The following PARD3 variants were observed in gnomAD, a reference collection of about 807,000 sequenced individuals.
PARD3 encodes the protein partitioning defective 3 homolog.
A neutral mutation model predicts 155.4 loss-of-function variants in PARD3; 75 were observed. The ratio of observed to expected loss-of-function variants is 0.48; its 90% CI spans 0.40 to 0.58. The LOEUF (loss-of-function observed/expected upper bound fraction) is 0.58. PARD3 is among the 20% of genes least tolerant of loss of function. The probability of loss-of-function intolerance (pLI) is 0.00; values close to 1 mark genes in which losing one functional copy is unlikely to be tolerated. For synonymous variants in PARD3, 576 were observed against 610.5 expected, an observed-to-expected ratio of 0.94 and a Z score of 0.83; for missense variants, 1,642 against 1,721.7, an observed-to-expected ratio of 0.95 and a Z score of 0.82.
intron 2 of PARD3, among the ~76,000 whole-genome samples, chr10:34,593,069 G>A (rs2088872579): frequency 6.6e-6 from 1 of 152,204 alleles, no homozygotes; most frequent in African/African-American, 2.4e-5. Flanking sequence ...GAAGAGGGTA[G>A]TGAGAAAGAC....
intron 6 of PARD3, among the ~76,000 whole-genome samples, chr10:34,399,953 A>C (rs1255430824): frequency 6.6e-6 from 1 of 152,186 alleles, no homozygotes; most frequent in Non-Finnish European, 1.5e-5. Flanking sequence ...AATGAGACCA[A>C]AGTTTTCACT....
chr10:34,385,513 T>G (rs1842266240), intron 7 of PARD3, among the ~76,000 whole-genome samples: 1 of 152,202 alleles, frequency 6.6e-6, no homozygotes, highest in South Asian at 2.1e-4. Context: ...AAAATTTGTA[T>G]TTTCTTTCAT....
intron 2 of PARD3, among the ~76,000 whole-genome samples, chr10:34,621,488 G>A (rs938991236): frequency 9.9e-5 from 15 of 152,046 alleles, no homozygotes; most frequent in South Asian, 2.1e-4. Flanking sequence ...AAGCCACCGC[G>A]CCCGGCCTAG....
intron 3 of PARD3, among the ~76,000 whole-genome samples, chr10:34,479,353 G>T (rs2078921163): frequency 6.6e-6 from 1 of 151,848 alleles, no homozygotes; most frequent in Non-Finnish European, 1.5e-5. Flanking sequence ...AGTAGAGACA[G>T]GGTTTCACTG....
intron 2 of PARD3, among the ~76,000 whole-genome samples, chr10:34,679,417 G>A (rs144768752): frequency 4.8e-4 from 73 of 152,216 alleles, no homozygotes; most frequent in African/African-American, 1.6e-3. Context: ...GTCTCTCAAC[G>A]CATTCCTTGC....
chr10:34,191,995 A>G (rs2246184), intron 22 of PARD3, among the ~76,000 whole-genome samples: 33,446 of 152,108 alleles, frequency 0.22, 3,834 homozygotes, highest in Middle Eastern at 0.32. Flanking sequence ...AGAAAGCAAG[A>G]ACTCTCACTA....
At chr10:34,700,241 T>C (rs1590715381) in intron 1 of PARD3, among the ~76,000 whole-genome samples, 1 of 151,956 alleles carries the variant, frequency 6.6e-6, no homozygotes, top group Non-Finnish European at 1.5e-5. Context: ...ACTGCTCTTA[T>C]TCAGATAAAG....
At chr10:34,199,933 G>C (rs1209835927) in intron 22 of PARD3, among the ~76,000 whole-genome samples, 1 of 152,144 alleles carries the variant, frequency 6.6e-6, no homozygotes, top group Admixed American at 6.5e-5. Context: ...AAACGGTTTA[G>C]TGATTCCAGG....
chr10:34,120,122 TC>T (rs898068955), intron 23 of PARD3, among the ~76,000 whole-genome samples: 57 of 145,740 alleles, frequency 3.9e-4, no homozygotes, highest in African/African-American at 1.2e-3. Flanking sequence ...GTTCAAGTGA[TC>T]CTCCCACCTC....
intron 22 of PARD3, among the ~76,000 whole-genome samples, chr10:34,260,331 A>G (rs1319637340): frequency 6.6e-6 from 1 of 152,176 alleles, no homozygotes; most frequent in African/African-American, 2.4e-5. Flanking sequence ...TGGAAGTTCC[A>G]GTAGAAAGGC....
Position 34,398,490 on chromosome 10 carries a change from TAA to T in PARD3, c.890+838_890+839del, listed in dbSNP as rs1435747431. ...AATAAGGTGATAGCAATAAAAGAAA[TAA>T]GTTAAAAATTAAAAAGCCAAAATAG... On this transcript the variant is annotated intron_variant, in intron 7 of 24. Coordinates refer to ENST00000374788, the MANE Select transcript of PARD3 (RefSeq NM_001184785.2). Among the ~76,000 whole-genome samples, 5 of 151,942 alleles carry T rather than the reference TAA, an allele frequency of 3.3e-5. No homozygotes were observed. The South Asian group carries it at 8.3e-4, about 25-fold the overall frequency.
intron 3 of PARD3, among the ~76,000 whole-genome samples, chr10:34,484,280 C>T (rs886067026): frequency 2.0e-5 from 3 of 152,146 alleles, no homozygotes; most frequent in African/African-American, 7.2e-5. Flanking sequence ...AATTTAGGAG[C>T]TACAAATAAA....
intron 1 of PARD3, among the ~76,000 whole-genome samples, chr10:34,743,431 A>C (rs1379063483): frequency 1.3e-5 from 2 of 152,208 alleles, no homozygotes; most frequent in Non-Finnish European, 2.9e-5. Flanking sequence ...TGAATGTGGG[A>C]CGCATCTATC....
chr10:34,736,001 G>A (rs2133847176), intron 1 of PARD3, among the ~76,000 whole-genome samples: 1 of 152,100 alleles, frequency 6.6e-6, no homozygotes, highest in South Asian at 2.1e-4. Flanking sequence ...TCAGATTACA[G>A]GCATGAGCCA....
At chr10:34,616,944 A>AT (rs2091295961) in intron 2 of PARD3, among the ~76,000 whole-genome samples, 1 of 151,688 alleles carries the variant, frequency 6.6e-6, no homozygotes, top group African/African-American at 2.4e-5. Context: ...AAAAAAAAAA[A>AT]AAAAATAACT....
At chr10:34,587,849 T>C (rs2088245172) in intron 2 of PARD3, among the ~76,000 whole-genome samples, 1 of 152,170 alleles carries the variant, frequency 6.6e-6, no homozygotes, top group South Asian at 2.1e-4. Context: ...CCTGAGATAA[T>C]TTCCATCAGC....
chr10:34,769,787 CG>C (rs1837270732), intron 1 of PARD3, among the ~76,000 whole-genome samples: 4 of 69,602 alleles, frequency 5.7e-5, no homozygotes, highest in African/African-American at 2.5e-4. Context: ...AACAAACAAA[CG>C]AACAAAAAAA....
chr10:34,504,579 T>G (rs1296481217), intron 3 of PARD3, among the ~76,000 whole-genome samples: 8 of 152,212 alleles, frequency 5.3e-5, no homozygotes, highest in Non-Finnish European at 1.0e-4. Context: ...TTAGACTTCT[T>G]TTTTTCCTTT....
intron 2 of PARD3, among the ~76,000 whole-genome samples, chr10:34,650,307 C>T (rs558857781): frequency 1.6e-4 from 25 of 152,350 alleles, no homozygotes; most frequent in African/African-American, 5.5e-4. Flanking sequence ...TGCAGGTCGA[C>T]ACTACGACGT....
Sources: allele counts gnomAD v4.1 joint callset (sites outside exome capture counted in the v4.1 genomes callset), GRCh38; gene constraint gnomAD v4.1.1; transcripts MANE v1.5; gene names NCBI Gene and HGNC (gene_info 2026-07-23, HGNC 2026-07-21).